The following ITPR1 variants were observed in gnomAD, a reference collection of about 807,000 sequenced individuals.
ITPR1 encodes the protein inositol 1,4,5-trisphosphate-gated calcium channel ITPR1.
A neutral mutation model predicts 318.4 loss-of-function variants in ITPR1; 96 were observed. The observed-to-expected ratio is 0.30, with a 90% CI of 0.26 to 0.36. ITPR1 has a LOEUF of 0.36. Among genes scored for constraint, ITPR1 ranks in the 10% least tolerant of loss-of-function variants. The pLI is 1.00. For synonymous variants in ITPR1, 1,312 were observed against 1,289.9 expected (o/e 1.02, Z -0.37); for missense variants, 2,440 against 3,460.2 (o/e 0.71, Z 7.40).
chr3:4,645,516 G>C (rs1200352771), intron 9 of ITPR1, 46 bp downstream of exon 9: 4 of 1,605,922 alleles, frequency 2.5e-6, no homozygotes, highest in Non-Finnish European at 2.6e-6. Flanking sequence ...GCTCTTCTTG[G>C]GGGCAGCAGT....
chr3:4,606,615 A>G (rs919751846), intron 4 of ITPR1, among the ~76,000 whole-genome samples: 1 of 152,026 alleles, frequency 6.6e-6, no homozygotes, highest in Non-Finnish European at 1.5e-5. Context: ...GTTGCAAGGG[A>G]AAAGGAGCAG....
intron 60 of ITPR1, among the ~76,000 whole-genome samples, chr3:4,829,873 T>C (rs959301045): frequency 2.3e-5 from 3 of 132,226 alleles, no homozygotes; most frequent in Non-Finnish European, 5.1e-5. Flanking sequence ...TCCCTCCCCC[T>C]GAGCCTCAGG....
intron 37 of ITPR1, among the ~76,000 whole-genome samples, chr3:4,709,838 A>G (rs918803539): frequency 6.6e-6 from 1 of 152,258 alleles, no homozygotes; most frequent in African/African-American, 2.4e-5. Flanking sequence ...AACAACACTG[A>G]CAAGTATTTC....
In ITPR1 at chr3:4,738,998, T is replaced by G. The variant is rs1053899736; in HGVS notation, c.5544+3644T>G. ...CCAGTGTCTCACAGGAGGCCGATGG[T>G]TCCAGGAAAATGCCTTCTAGCCTAG... On this transcript the variant is annotated intron_variant, in intron 44 of 61. Transcript: ENST00000649015. 4.6e-5 allele frequency among the ~76,000 whole-genome samples: 7 copies of G among 152,308 alleles called. 1 individual carries two copies. Among genetic ancestry groups the G allele is most frequent in the East Asian group, 1.9e-4 (1 of 5,174 alleles).
intron 44 of ITPR1, among the ~76,000 whole-genome samples, chr3:4,758,272 G>C (rs189971660): frequency 1.6e-3 from 247 of 152,270 alleles, no homozygotes; most frequent in African/African-American, 5.8e-3. Flanking sequence ...TTTAGAAGCT[G>C]ATGGAAATGC....
At chr3:4,815,254 A>G in intron 59 of ITPR1, 36 bp downstream of exon 59, 1 of 1,608,800 alleles carries the variant, frequency 6.2e-7, no homozygotes, top group South Asian at 1.1e-5. Flanking sequence ...AAGGGCGTGA[A>G]GGCCCAGCGT....
At chr3:4,497,125 G>A (rs568258983) in intron 2 of ITPR1, among the ~76,000 whole-genome samples, 2 of 151,986 alleles carry the variant, frequency 1.3e-5, no homozygotes, top group Non-Finnish European at 2.9e-5. Flanking sequence ...TGCAATTAAG[G>A]CTTGAAGTCG....
intron 10 of ITPR1, among the ~76,000 whole-genome samples, chr3:4,647,661 A>T (rs140852096): frequency 6.6e-6 from 1 of 152,168 alleles, no homozygotes; most frequent in African/African-American, 2.4e-5. Context: ...TGAAATTTCA[A>T]TGTGGGTTGG....
At chr3:4,522,245 G>A (rs1176797488) in intron 4 of ITPR1, among the ~76,000 whole-genome samples, 1 of 152,156 alleles carries the variant, frequency 6.6e-6, no homozygotes, top group Non-Finnish European at 1.5e-5. Context: ...TTTACAGCCA[G>A]GGCGGAAAAC....
At chr3:4,700,991 G>A (rs1448493318) in intron 35 of ITPR1, among the ~76,000 whole-genome samples, 1 of 152,192 alleles carries the variant, frequency 6.6e-6, no homozygotes. Context: ...CCCACCAGGT[G>A]TCTCCCACAA....
At chr3:4,673,112 G>T in intron 20 of ITPR1, 24 bp from the exon 21 acceptor site, 1 of 1,601,914 alleles carries the variant, frequency 6.2e-7, no homozygotes, top group Admixed American at 1.7e-5. Flanking sequence ...AGCGTGAGCT[G>T]TGTGCCCTTG....
intron 4 of ITPR1, among the ~76,000 whole-genome samples, chr3:4,571,768 G>A (rs2088022130): frequency 6.6e-6 from 1 of 152,154 alleles, no homozygotes. Flanking sequence ...AAGCTCACAG[G>A]CCTATAAAAA....
chr3:4,784,037 T>C (rs1372999860), intron 51 of ITPR1, 117 bp downstream of exon 51: 4 of 724,162 alleles, frequency 5.5e-6, no homozygotes, highest in African/African-American at 1.8e-5. Context: ...GAGTGTGTAC[T>C]GTGTGCTAGG....
chr3:4,569,490 G>C (rs776589570), intron 4 of ITPR1, among the ~76,000 whole-genome samples: 2 of 152,174 alleles, frequency 1.3e-5, no homozygotes, highest in Admixed American at 6.5e-5. Context: ...ACAAAACATT[G>C]TGTGACAAGC....
chr3:4,551,313 A>G (rs931798672), intron 4 of ITPR1, among the ~76,000 whole-genome samples: 1 of 152,166 alleles, frequency 6.6e-6, no homozygotes, highest in Non-Finnish European at 1.5e-5. Flanking sequence ...GTATCACCGT[A>G]TTTATGGGAT....
intron 16 of ITPR1, 96 bp downstream of exon 16, chr3:4,663,302 C>T (rs1283656040): frequency 5.1e-6 from 6 of 1,178,654 alleles, no homozygotes; most frequent in African/African-American, 1.5e-5. Flanking sequence ...TTTGGGAAGC[C>T]GAGGTGGGAG....
chr3:4,700,818 C>T (rs2094637058), intron 35 of ITPR1, among the ~76,000 whole-genome samples: 1 of 152,170 alleles, frequency 6.6e-6, no homozygotes, highest in Admixed American at 6.5e-5. Context: ...GGGGAGGCCT[C>T]ACAGTCATGG....
chr3:4,680,440 T>C, intron 24 of ITPR1, 113 bp from the exon 25 acceptor site: 1 of 902,590 alleles, frequency 1.1e-6, no homozygotes, highest in Non-Finnish European at 1.7e-6. Flanking sequence ...CACTTAGTGC[T>C]TAAGGTAATT....
At chr3:4,769,119 C>T (rs1476746737) in intron 46 of ITPR1, among the ~76,000 whole-genome samples, 1 of 151,976 alleles carries the variant, frequency 6.6e-6, no homozygotes, top group Non-Finnish European at 1.5e-5. Flanking sequence ...AGGCTGGTCT[C>T]GAACTCCTGA....
Sources: gnomAD v4.1 joint callset for allele counts (sites outside exome capture counted in the v4.1 genomes callset) on GRCh38, gnomAD v4.1.1 for gene constraint, MANE v1.5 for transcripts, NCBI Gene and HGNC (gene_info 2026-07-23, HGNC 2026-07-21) for gene names.